PLEKHD1: variants seen among roughly 807,000 people sequenced by gnomAD.
The protein encoded by PLEKHD1 is pleckstrin homology domain-containing family D member 1.
In PLEKHD1, 51 loss-of-function variants were observed where a neutral mutation model predicts 69.2. That is an observed-to-expected ratio of 0.74 (90% CI 0.59 to 0.93). PLEKHD1 has a LOEUF of 0.93. PLEKHD1 is among the 40% of genes least tolerant of loss of function. The pLI is 0.00. For synonymous variants in PLEKHD1, 236 were observed against 244.7 expected, an observed-to-expected ratio of 0.96 and a Z score of 0.33; for missense variants, 584 against 641.0, an observed-to-expected ratio of 0.91 and a Z score of 0.96.
intron 5 of PLEKHD1, 144 bp from the exon 6 acceptor site, chr14:69,502,683 C>G: frequency 1.0e-6 from 1 of 988,690 alleles, no homozygotes; most frequent in Non-Finnish European, 1.5e-6. Context: ...GGAGCTGGCC[C>G]ACCCTCTGGC....
intron 1 of PLEKHD1, among the ~76,000 whole-genome samples, chr14:69,487,633 G>T (rs1882684314): frequency 6.6e-6 from 1 of 152,248 alleles, no homozygotes; most frequent in Non-Finnish European, 1.5e-5. Flanking sequence ...CCTGCCTGGG[G>T]TGGGAAGGTG....
Position 69,522,275 on chromosome 14 carries a change from C to G in PLEKHD1, c.556-8C>G, listed in dbSNP as rs1026544929. Reference sequence around the variant, plus strand: ...TGTGACTCTTCTCTTCCTCTCTGGTCTCTTCAGGAGCTTGAGCGCCTTAAC... The same window carrying G: ...TGTGACTCTTCTCTTCCTCTCTGGTGTCTTCAGGAGCTTGAGCGCCTTAAC... On this transcript the variant is annotated splice_region_variant and splice_polypyrimidine_tract_variant and intron_variant, in intron 6 of 12. Transcript: ENST00000322564. 6.4e-7 allele frequency: 1 copy of G among 1,551,010 alleles called. No individual in the cohort carries two copies. Among genetic ancestry groups the G allele is most frequent in the African/African-American group, 1.4e-5 (1 of 73,028 alleles).
the PLEKHD1 span, among the ~76,000 whole-genome samples, chr14:69,473,056 G>A: frequency 6.6e-6 from 1 of 152,232 alleles, no homozygotes; most frequent in South Asian, 2.1e-4. Flanking sequence ...TTTAGTTGCA[G>A]GAAAACAAGT....
chr14:69,525,827 G>A (rs868594526), intron 8 of PLEKHD1, 117 bp from the exon 9 acceptor site: 15 of 941,950 alleles, frequency 1.6e-5, no homozygotes, highest in East Asian at 2.7e-5. Context: ...ACATTTCAGC[G>A]GCCATAGAGG....
chr14:69,480,413 T>C (rs1462962535), upstream of PLEKHD1, among the ~76,000 whole-genome samples: 1 of 152,108 alleles, frequency 6.6e-6, no homozygotes, highest in Non-Finnish European at 1.5e-5. Context: ...GGCACAAGCC[T>C]GGAAACAAGT....
the PLEKHD1 span, among the ~76,000 whole-genome samples, chr14:69,478,688 A>G: frequency 6.6e-6 from 1 of 152,366 alleles, no homozygotes; most frequent in East Asian, 1.9e-4. Flanking sequence ...TCCAGTTCCC[A>G]ACAAGTTCCT....
In PLEKHD1 at chr14:69,525,931, C is replaced by G. The variant is rs766867029; in HGVS notation, c.745-13C>G. 30 of 1,541,260 alleles carry G rather than the reference C, an allele frequency of 1.9e-5. No homozygotes were observed. Among genetic ancestry groups the G allele is most frequent in the Middle Eastern group, 1.7e-4 (1 of 5,950 alleles). On this transcript the variant is annotated splice_polypyrimidine_tract_variant and intron_variant, in intron 8 of 12. Coordinates refer to ENST00000322564, the MANE Select transcript of PLEKHD1 (RefSeq NM_001161498.2). ...AATTGGGCTTTTCTTTTCCTTGCCT[C>G]CCTCCATGCCAGGAACTCTCCATAG...
In PLEKHD1 at chr14:69,527,896, T is replaced by C; in HGVS notation, c.1315T>C (p.Phe439Leu). 6.4e-7 allele frequency: 1 copy of C among 1,551,558 alleles called. No individual in the cohort carries two copies. Among genetic ancestry groups the C allele is most frequent in the Non-Finnish European group, 8.7e-7 (1 of 1,147,004 alleles). ...CACTCGCCGCATCAAGAGCTGCCGC[T>C]TCCACCGACGCCGGTCCAGCACCTC... ...AATRRIKSCR[F>L]HRRRSSTSWN... The change falls in exon 12 of 13, where the codon TTC (phenylalanine) becomes CTC (leucine). Residue 439 changes from phenylalanine to leucine, a missense_variant. By Grantham distance (22) the Phe-to-Leu change is conservative. Transcript: ENST00000322564.
At chr14:69,489,884 TGA>T (rs966591984) in intron 1 of PLEKHD1, among the ~76,000 whole-genome samples, 3 of 150,004 alleles carry the variant, frequency 2.0e-5, no homozygotes, top group African/African-American at 7.4e-5. Context: ...TTTGTTTGTT[TGA>T]GAGAGAGTCT....
At position 69,526,015 on chromosome 14, in the gene PLEKHD1, C is replaced by T. The variant is rs1293939245; in HGVS notation, c.816C>T (p.Ala272=). 14 of 1,551,668 alleles carry T rather than the reference C, an allele frequency of 9.0e-6. No individual in the cohort carries two copies. Among genetic ancestry groups the T allele is most frequent in the Non-Finnish European group, 1.2e-5 (14 of 1,146,982 alleles). ...EENENHLQTL[A]NQSEQPPPSG... is the part of the protein sequence containing the mutation. Reference sequence around the variant, plus strand: ...ACGAGAACCACCTGCAGACACTGGCCAATCAGAGTGAGCAGCCCCCTCCCA... The same window carrying T: ...ACGAGAACCACCTGCAGACACTGGCTAATCAGAGTGAGCAGCCCCCTCCCA... The change falls in exon 9 of 13, where the codon GCC becomes GCT. Residue 272 remains alanine, a synonymous_variant. Coordinates refer to ENST00000322564, the MANE Select transcript of PLEKHD1 (RefSeq NM_001161498.2).
intron 6 of PLEKHD1, among the ~76,000 whole-genome samples, chr14:69,508,782 C>G (rs774039027): frequency 6.6e-6 from 1 of 152,260 alleles, no homozygotes; most frequent in African/African-American, 2.4e-5. Flanking sequence ...GGGTGATTAT[C>G]GGGTAATTGT....
chr14:69,486,508 GC>G (rs1271020025), intron 1 of PLEKHD1, among the ~76,000 whole-genome samples: 1 of 152,176 alleles, frequency 6.6e-6, no homozygotes, highest in African/African-American at 2.4e-5. Flanking sequence ...GTGAGCTACA[GC>G]CCCCAGGGCC....
chr14:69,512,577 G>A (rs1883294357), intron 6 of PLEKHD1, among the ~76,000 whole-genome samples: 1 of 151,944 alleles, frequency 6.6e-6, no homozygotes, highest in Admixed American at 6.6e-5. Flanking sequence ...AAATTTTGAT[G>A]AGTTGTATTT....
chr14:69,500,332 C>A (rs1162938606), intron 2 of PLEKHD1, 124 bp downstream of exon 2: 4 of 873,914 alleles, frequency 4.6e-6, no homozygotes, highest in Non-Finnish European at 5.2e-6. Context: ...GAGAGCAAAT[C>A]CTCTTGGGGC....
chr14:69,478,906 C>A, the PLEKHD1 span, among the ~76,000 whole-genome samples: 25,870 of 152,206 alleles, frequency 0.17, 2,373 homozygotes, highest in South Asian at 0.24. Flanking sequence ...TTCAGCAGCA[C>A]CCTACTCTAC....
chr14:69,475,995 C>T, the PLEKHD1 span, among the ~76,000 whole-genome samples: 7 of 152,278 alleles, frequency 4.6e-5, no homozygotes, highest in Non-Finnish European at 1.0e-4. Context: ...GAATGGCTCA[C>T]GCCTATAATC....
intron 1 of PLEKHD1, 97 bp from the exon 2 acceptor site, chr14:69,500,018 C>G: frequency 2.6e-6 from 2 of 783,016 alleles, no homozygotes; most frequent in South Asian, 3.4e-5. Context: ...CTGTGGGCTC[C>G]CATGTGAGTC....
upstream of PLEKHD1, among the ~76,000 whole-genome samples, chr14:69,484,270 C>G (rs1403842562): frequency 6.6e-6 from 1 of 152,232 alleles, no homozygotes; most frequent in Non-Finnish European, 1.5e-5. Context: ...AAAGCCAGAC[C>G]GCCGCAGTTC....
chr14:69,513,278 A>G (rs917147990), intron 6 of PLEKHD1, among the ~76,000 whole-genome samples: 1 of 151,992 alleles, frequency 6.6e-6, no homozygotes, highest in African/African-American at 2.4e-5. Flanking sequence ...AAAATAAAAA[A>G]GAGTTTAATG....
Sources: allele counts gnomAD v4.1 joint callset (sites outside exome capture counted in the v4.1 genomes callset), GRCh38; gene constraint gnomAD v4.1.1; transcripts MANE v1.5; gene names NCBI Gene and HGNC (gene_info 2026-07-23, HGNC 2026-07-21).